SORCS1: variants seen among roughly 807,000 people sequenced by gnomAD.
The protein encoded by SORCS1 is VPS10 domain-containing receptor SorCS1.
A neutral mutation model predicts 146.1 loss-of-function variants in SORCS1; 60 were observed. That is an observed-to-expected ratio of 0.41 (90% confidence interval 0.33 to 0.51). The LOEUF is 0.51. SORCS1 is among the 20% of genes least tolerant of loss of function. The pLI is 0.21. For synonymous variants in SORCS1, 637 were observed against 584.0 expected (o/e 1.09, Z -1.31); for missense variants, 1,352 against 1,487.6 (o/e 0.91, Z 1.50).
At chr10:106,728,081 G>A (rs1856331041) in intron 6 of SORCS1, among the ~76,000 whole-genome samples, 1 of 151,968 alleles carries the variant, frequency 6.6e-6, no homozygotes, top group African/African-American at 2.4e-5. Flanking sequence ...CGCCAGGCTG[G>A]AGAGCAGTGG....
At chr10:106,792,455 G>A (rs117875140) in intron 3 of SORCS1, among the ~76,000 whole-genome samples, 5,180 of 152,220 alleles carry the variant, frequency 0.034, 116 homozygotes, top group Middle Eastern at 0.071. Context: ...ATTACACAGC[G>A]CTTTACAAAT....
intron 1 of SORCS1, among the ~76,000 whole-genome samples, chr10:107,116,600 A>G (rs1463877751): frequency 6.6e-6 from 1 of 152,180 alleles, no homozygotes; most frequent in African/African-American, 2.4e-5. Context: ...AATTTCACTT[A>G]TATGTAGAAT....
intron 1 of SORCS1, among the ~76,000 whole-genome samples, chr10:107,109,986 C>T (rs1335210416): frequency 3.3e-5 from 5 of 152,146 alleles, no homozygotes; most frequent in African/African-American, 1.2e-4. Context: ...CACAATACAG[C>T]CAACTTCTTC....
chr10:107,071,389 G>A (rs769626662), intron 1 of SORCS1, among the ~76,000 whole-genome samples: 2 of 152,150 alleles, frequency 1.3e-5, no homozygotes, highest in African/African-American at 4.8e-5. Context: ...TTTGAAAAGT[G>A]TCTGTGTACT....
chr10:106,896,664 T>C (rs553826802), intron 2 of SORCS1, among the ~76,000 whole-genome samples: 1 of 151,676 alleles, frequency 6.6e-6, no homozygotes, highest in Non-Finnish European at 1.5e-5. Context: ...TTTTACATTG[T>C]TTTACAAAAC....
chr10:106,843,985 T>A (rs554382617), intron 2 of SORCS1, among the ~76,000 whole-genome samples: 1 of 152,216 alleles, frequency 6.6e-6, no homozygotes, highest in African/African-American at 2.4e-5. Flanking sequence ...TTGTTTTCCA[T>A]AGTGGCTGCA....
intron 3 of SORCS1, among the ~76,000 whole-genome samples, chr10:106,795,713 T>C (rs1383033914): frequency 6.6e-6 from 1 of 152,160 alleles, no homozygotes; most frequent in Non-Finnish European, 1.5e-5. Context: ...AGTTATCCAG[T>C]ATAATGAAGG....
intron 1 of SORCS1, among the ~76,000 whole-genome samples, chr10:106,977,731 A>G (rs1263264558): frequency 6.6e-6 from 1 of 152,122 alleles, no homozygotes; most frequent in East Asian, 1.9e-4. Flanking sequence ...ACAAATATGC[A>G]TCTTTTAAAT....
intron 1 of SORCS1, among the ~76,000 whole-genome samples, chr10:107,112,541 C>G (rs1427060499): frequency 6.6e-6 from 1 of 151,918 alleles, no homozygotes; most frequent in Non-Finnish European, 1.5e-5. Flanking sequence ...CCTTATCTAT[C>G]AACAATAACT....
intron 6 of SORCS1, among the ~76,000 whole-genome samples, chr10:106,729,431 TTC>T (rs200986160): frequency 1.2e-4 from 18 of 144,158 alleles, no homozygotes; most frequent in Admixed American, 6.9e-5. Context: ...CACAGAAAAA[TTC>T]TCTCTCTCTC....
chr10:106,803,176 C>G (rs1268088733), intron 3 of SORCS1, among the ~76,000 whole-genome samples: 1 of 152,126 alleles, frequency 6.6e-6, no homozygotes, highest in Non-Finnish European at 1.5e-5. Flanking sequence ...AATCAGCCAG[C>G]TTGCAATATT....
intron 1 of SORCS1, among the ~76,000 whole-genome samples, chr10:107,037,558 C>A (rs925571508): frequency 6.6e-6 from 1 of 152,232 alleles, no homozygotes; most frequent in Non-Finnish European, 1.5e-5. Context: ...GGAAACCCAG[C>A]ATCTTTCTCA....
chr10:107,025,872 C>T (rs112626461), intron 1 of SORCS1, among the ~76,000 whole-genome samples: 17 of 152,268 alleles, frequency 1.1e-4, no homozygotes, highest in African/African-American at 3.9e-4. Flanking sequence ...AGTGGGAGGA[C>T]CAGCAAAGGG....
intron 2 of SORCS1, among the ~76,000 whole-genome samples, chr10:106,934,077 G>C (rs560143042): frequency 1.5e-5 from 2 of 134,532 alleles, no homozygotes; most frequent in African/African-American, 5.7e-5. Flanking sequence ...CTGGGCAACA[G>C]AGTGAGACTC....
At chr10:106,896,081 A>C (rs907958128) in intron 2 of SORCS1, among the ~76,000 whole-genome samples, 45 of 152,150 alleles carry the variant, frequency 3.0e-4, no homozygotes, top group African/African-American at 1.1e-3. Context: ...CACAAACACA[A>C]ACACTGTATG....
intron 2 of SORCS1, among the ~76,000 whole-genome samples, chr10:106,873,358 C>T (rs1156351093): frequency 6.6e-6 from 1 of 151,702 alleles, no homozygotes; most frequent in Admixed American, 6.6e-5. Context: ...TATTTATATT[C>T]CTAGAGGATA....
intron 1 of SORCS1, among the ~76,000 whole-genome samples, chr10:107,006,141 T>C (rs151023164): frequency 8.5e-4 from 129 of 152,332 alleles, no homozygotes; most frequent in Admixed American, 2.0e-3. Flanking sequence ...ATGTACTCAA[T>C]ACATACTTAT....
intron 5 of SORCS1, among the ~76,000 whole-genome samples, chr10:106,737,273 C>G (rs1286087071): frequency 6.6e-6 from 1 of 152,138 alleles, no homozygotes. Context: ...CTAAACCAGC[C>G]AAGAAGAAGC....
chr10:107,125,583 A>T (rs187676354), intron 1 of SORCS1, among the ~76,000 whole-genome samples: 4 of 152,234 alleles, frequency 2.6e-5, no homozygotes, highest in Admixed American at 2.0e-4. Context: ...AAAATCTCTG[A>T]AAGTGTGGCT....
Sources: gnomAD v4.1 joint callset for allele counts (sites outside exome capture counted in the v4.1 genomes callset) on GRCh38, gnomAD v4.1.1 for gene constraint, MANE v1.5 for transcripts, NCBI Gene and HGNC (gene_info 2026-07-23, HGNC 2026-07-21) for gene names.